PPM1H: variants seen among roughly 807,000 people sequenced by gnomAD.
PPM1H encodes protein phosphatase, Mg2+/Mn2+ dependent 1H, also known as protein phosphatase 1H.
PPM1H carries 27 observed loss-of-function variants against 54.9 expected under a neutral mutation model. The ratio of observed to expected loss-of-function variants is 0.49; its 90% CI spans 0.36 to 0.68. The LOEUF (loss-of-function observed/expected upper bound fraction) is 0.68, where lower values mean the gene tolerates loss of function less well. Ranked by LOEUF, PPM1H falls within the 30% of genes least tolerant of loss-of-function variation. The pLI is 0.00. For missense variants in PPM1H, 596 were observed against 667.8 expected, an observed-to-expected ratio of 0.89 and a Z score of 1.19; for synonymous variants, 305 against 270.8, an observed-to-expected ratio of 1.13 and a Z score of -1.24.
intron 1 of PPM1H, among the ~76,000 whole-genome samples, chr12:62,843,266 G>A (rs1403614630): frequency 7.2e-5 from 11 of 152,180 alleles, no homozygotes; most frequent in Admixed American, 4.6e-4. Flanking sequence ...GCAGTGAGCC[G>A]AGATGGCGCC....
chr12:62,819,110 C>G (rs1331759707), intron 2 of PPM1H, among the ~76,000 whole-genome samples: 2 of 147,322 alleles, frequency 1.4e-5, no homozygotes, highest in African/African-American at 5.1e-5. Context: ...GCGTGAGCCA[C>G]TGCGCCGGCC....
chr12:62,803,998 C>G (rs769992293), intron 2 of PPM1H, among the ~76,000 whole-genome samples: 3 of 152,136 alleles, frequency 2.0e-5, no homozygotes, highest in Non-Finnish European at 4.4e-5. Context: ...ACTCAGTGAA[C>G]TGAAATTAAG....
intron 6 of PPM1H, among the ~76,000 whole-genome samples, chr12:62,715,564 G>A (rs2076230320): frequency 1.3e-5 from 2 of 152,052 alleles, no homozygotes; most frequent in Admixed American, 1.3e-4. Context: ...CAGTCTCCGT[G>A]AAAGCATGAG....
intron 4 of PPM1H, among the ~76,000 whole-genome samples, chr12:62,777,915 T>C (rs1457793297): frequency 2.6e-5 from 4 of 152,212 alleles, no homozygotes; most frequent in Non-Finnish European, 5.9e-5. Context: ...TGTTTACTTG[T>C]AGGCTTTTTC....
intron 5 of PPM1H, among the ~76,000 whole-genome samples, chr12:62,735,891 G>T (rs2076347019): frequency 6.6e-6 from 1 of 152,242 alleles, no homozygotes; most frequent in South Asian, 2.1e-4. Context: ...GAGAAATCAT[G>T]ATATGTCCTG....
intron 2 of PPM1H, among the ~76,000 whole-genome samples, chr12:62,830,507 G>A (rs993203445): frequency 2.0e-5 from 3 of 152,136 alleles, no homozygotes; most frequent in Non-Finnish European, 4.4e-5. Flanking sequence ...TGCCCGCCTT[G>A]GCCTCCCAAA....
chr12:62,692,067 A>T (rs1291787566), intron 7 of PPM1H, among the ~76,000 whole-genome samples: 3 of 152,212 alleles, frequency 2.0e-5, no homozygotes, highest in African/African-American at 7.2e-5. Context: ...CAGTCTTTAA[A>T]AGCATCTGAA....
chr12:62,693,139 C>T (rs2076092657), intron 7 of PPM1H, among the ~76,000 whole-genome samples: 1 of 152,186 alleles, frequency 6.6e-6, no homozygotes, highest in African/African-American at 2.4e-5. Flanking sequence ...AGGAAGAATG[C>T]AATGATTCAG....
chr12:62,837,654 C>G (rs1565804659), intron 1 of PPM1H, among the ~76,000 whole-genome samples: 3 of 152,222 alleles, frequency 2.0e-5, no homozygotes, highest in Admixed American at 2.0e-4. Context: ...AGAATAGTCA[C>G]TTCCCATCAG....
intron 7 of PPM1H, among the ~76,000 whole-genome samples, chr12:62,691,844 C>G (rs2076084934): frequency 6.7e-6 from 1 of 150,228 alleles, no homozygotes; most frequent in Non-Finnish European, 1.5e-5. Context: ...CAAAGCAAAG[C>G]CTGGGGCCCT....
rs1009639055 is a variant in PPM1H, at chr12:62,761,450, T to G, written c.870-23864A>C. ...GGGAGGAGATTATAGGCAATTTTTC[T>G]TTTTTGCCTGTTTATATTTTCTACA... is the stretch of plus-strand genomic sequence containing the variant. On this transcript the variant is annotated intron_variant, in intron 4 of 9. Coordinates refer to ENST00000228705, the MANE Select transcript of PPM1H (RefSeq NM_020700.2). Among the ~76,000 whole-genome samples, 96 of 152,334 alleles carry G rather than the reference T, an allele frequency of 6.3e-4. 2 individuals carry two copies. The highest frequency in any genetic ancestry group is 2.1e-3 in the African/African-American group (89 of 41,576).
At chr12:62,670,058 A>G (rs1361073305) in intron 8 of PPM1H, among the ~76,000 whole-genome samples, 1 of 129,514 alleles carries the variant, frequency 7.7e-6, no homozygotes, top group African/African-American at 3.1e-5. Flanking sequence ...GCTCACTGCA[A>G]CCTCTGCCTC....
intron 4 of PPM1H, among the ~76,000 whole-genome samples, chr12:62,778,870 G>A (rs913385537): frequency 2.6e-5 from 4 of 152,000 alleles, no homozygotes; most frequent in African/African-American, 9.7e-5. Flanking sequence ...GTTTGAGGCT[G>A]CAGTGAGCTA....
At chr12:62,781,110 C>T (rs1461816762) in intron 4 of PPM1H, among the ~76,000 whole-genome samples, 1 of 152,174 alleles carries the variant, frequency 6.6e-6, no homozygotes, top group Non-Finnish European at 1.5e-5. Context: ...CATGTCTGAC[C>T]CATTCCAGAC....
intron 5 of PPM1H, among the ~76,000 whole-genome samples, chr12:62,724,813 C>T (rs2076281405): frequency 6.6e-6 from 1 of 152,126 alleles, no homozygotes; most frequent in Admixed American, 6.6e-5. Flanking sequence ...GACTTAGACA[C>T]ATTTTTATTA....
intron 2 of PPM1H, among the ~76,000 whole-genome samples, chr12:62,806,536 A>C (rs749382172): frequency 6.6e-6 from 1 of 152,070 alleles, no homozygotes; most frequent in Non-Finnish European, 1.5e-5. Context: ...GTGTTGGAGG[A>C]GGGGCCTGGT....
chr12:62,735,293 C>G (rs2076344456), intron 5 of PPM1H, among the ~76,000 whole-genome samples: 1 of 152,028 alleles, frequency 6.6e-6, no homozygotes, highest in African/African-American at 2.4e-5. Flanking sequence ...TTCACTGCAA[C>G]CTCTGCCTTC....
intron 4 of PPM1H, among the ~76,000 whole-genome samples, chr12:62,771,465 G>T (rs1163693623): frequency 1.3e-5 from 2 of 152,114 alleles, no homozygotes; most frequent in Non-Finnish European, 2.9e-5. Context: ...ATATGACACA[G>T]TGGAGTCCTA....
chr12:62,691,491 C>T (rs979128080), intron 7 of PPM1H, among the ~76,000 whole-genome samples: 20 of 152,134 alleles, frequency 1.3e-4, no homozygotes, highest in African/African-American at 4.3e-4. Context: ...GAAATGAAAC[C>T]ATGACACCTT....
Sources: allele counts gnomAD v4.1 joint callset (sites outside exome capture counted in the v4.1 genomes callset), GRCh38; gene constraint gnomAD v4.1.1; transcripts MANE v1.5; gene names NCBI Gene and HGNC (gene_info 2026-07-23, HGNC 2026-07-21).